MLLT10: variants seen among roughly 807,000 people sequenced by gnomAD.
MLLT10 encodes protein AF-10.
A neutral mutation model predicts 129.1 loss-of-function variants in MLLT10; 30 were observed. That is an observed-to-expected ratio of 0.23 (90% CI 0.17 to 0.32). The LOEUF (loss-of-function observed/expected upper bound fraction) is 0.32. Among genes scored for constraint, MLLT10 ranks in the 10% least tolerant of loss-of-function variants. The probability of loss-of-function intolerance (pLI) is 1.00; values close to 1 mark genes in which losing one functional copy is unlikely to be tolerated. For synonymous variants in MLLT10, 490 were observed against 446.4 expected (o/e 1.10, Z -1.23); for missense variants, 1,119 against 1,268.3 (o/e 0.88, Z 1.79).
At chr10:21,606,803 A>T (rs2044111756) in intron 5 of MLLT10, among the ~76,000 whole-genome samples, 1 of 152,224 alleles carries the variant, frequency 6.6e-6, no homozygotes. Context: ...ACAACAAAGG[A>T]TGTAGAATAT....
intron 11 of MLLT10, among the ~76,000 whole-genome samples, chr10:21,678,608 G>A (rs1035507986): frequency 1.3e-5 from 2 of 152,178 alleles, no homozygotes; most frequent in African/African-American, 4.8e-5. Context: ...CTGTGAAGGT[G>A]ATGTTTATAG....
intron 20 of MLLT10, 42 bp downstream of exon 20, chr10:21,734,171 A>G (rs748663420): frequency 1.9e-6 from 3 of 1,545,826 alleles, no homozygotes; most frequent in Non-Finnish European, 2.6e-6. Flanking sequence ...AGTATAACAG[A>G]GTACCGGTGT....
At position 21,573,095 on chromosome 10, in the gene MLLT10, ATTAC is replaced by A. The variant is rs369483515; in HGVS notation, c.241-13195_241-13192del. ...TTAATTCTACTAGTTTTTTAGGTAG[ATTAC>A]TTAGATTTTTCTAATAGATGATTGT... On this transcript the variant is annotated intron_variant, in intron 3 of 22. Transcript: ENST00000307729. Among the ~76,000 whole-genome samples, 351 of 152,204 alleles carry A rather than the reference ATTAC, an allele frequency of 2.3e-3. 1 individual carries two copies. The highest frequency in any genetic ancestry group is 7.8e-3 in the African/African-American group (326 of 41,546).
chr10:21,628,746 T>C (rs2046717856), intron 8 of MLLT10, among the ~76,000 whole-genome samples: 1 of 143,096 alleles, frequency 7.0e-6, no homozygotes, highest in Admixed American at 6.9e-5. Flanking sequence ...CTGCCTTTTT[T>C]TTTTTTTTTT....
intron 21 of MLLT10, among the ~76,000 whole-genome samples, chr10:21,737,383 G>A (rs537724670): frequency 6.6e-6 from 1 of 152,300 alleles, no homozygotes; most frequent in South Asian, 2.1e-4. Flanking sequence ...GGCACACGGG[G>A]CAGTTTCGAC....
At chr10:21,614,729 T>C (rs2045056546) in intron 6 of MLLT10, 102 bp from the exon 7 acceptor site, 1 of 832,892 alleles carries the variant, frequency 1.2e-6, no homozygotes, top group South Asian at 2.5e-5. Context: ...GGAGATGTTA[T>C]TTTCTCAGAG....
Position 21,665,310 on chromosome 10 carries a change from G to C in MLLT10, c.796-5139G>C, listed in dbSNP as rs990230339. 2.2e-5 allele frequency among the ~76,000 whole-genome samples: 3 copies of C among 133,382 alleles called. 1 individual carries two copies. Among genetic ancestry groups the C allele is most frequent in the Non-Finnish European group, 3.2e-5 (2 of 62,266 alleles). The allele number at this position is 133,382 out of a possible 152,430, so 87.5% of individuals were successfully genotyped here. ...GTTTGTTTGTTTTTTTTGGGGGGGG[G>C]GGGGTTTCACTCTTGTTGCCCAGGC... is the stretch of plus-strand genomic sequence containing the variant. On this transcript the variant is annotated intron_variant, in intron 9 of 22. Coordinates refer to ENST00000307729, the MANE Select transcript of MLLT10 (RefSeq NM_001195626.3).
At chr10:21,736,848 C>A (rs1439611368) in intron 21 of MLLT10, among the ~76,000 whole-genome samples, 1 of 152,114 alleles carries the variant, frequency 6.6e-6, no homozygotes, top group Non-Finnish European at 1.5e-5. Flanking sequence ...TAGTGCTGCA[C>A]AGGTGATGAG....
intron 3 of MLLT10, among the ~76,000 whole-genome samples, chr10:21,567,989 T>C (rs571468410): frequency 6.6e-6 from 1 of 151,994 alleles, no homozygotes; most frequent in Non-Finnish European, 1.5e-5. Context: ...CCGGGTAATT[T>C]TTATTTTTAG....
intron 8 of MLLT10, among the ~76,000 whole-genome samples, chr10:21,650,301 T>A (rs1163534934): frequency 6.6e-6 from 1 of 152,220 alleles, no homozygotes; most frequent in East Asian, 1.9e-4. Context: ...TAGTGAGCTG[T>A]GATCGTACCA....
chr10:21,614,749 T>C, intron 6 of MLLT10, 82 bp from the exon 7 acceptor site: 1 of 1,047,316 alleles, frequency 9.5e-7, no homozygotes, highest in Non-Finnish European at 1.4e-6. Context: ...GCATGAATGA[T>C]TGGAAGTAAA....
At position 21,742,725 on chromosome 10, in the gene MLLT10, C is replaced by T. The variant is rs538509781; in HGVS notation, c.*742C>T. On this transcript the variant is annotated 3_prime_UTR_variant, in exon 23 of 23. Transcript: ENST00000307729. ...AACCAGATCAATTCAAAGCTAAATA[C>T]TTCTTTCAGAAAGGGGCCACTGTGG... The T allele has an allele frequency of 2.7e-4, 61 of 226,546 alleles. 1 individual carries two copies. The highest frequency in any genetic ancestry group is 1.2e-3 in the African/African-American group (55 of 45,138). The allele number at this position is 226,546 out of a possible 1,614,324, so 14.0% of individuals were successfully genotyped here.
chr10:21,691,482 C>G (rs576327064), intron 13 of MLLT10, among the ~76,000 whole-genome samples: 2 of 152,230 alleles, frequency 1.3e-5, no homozygotes, highest in Non-Finnish European at 2.9e-5. Flanking sequence ...TTTTTTCCAT[C>G]ATGCATGCAT....
rs2058172146 is a variant in MLLT10 at position 21,734,191 on chromosome 10, C to T, written c.2858+62C>T. Reference sequence around the variant, plus strand: ...AACAGAGTACCGGTGTTGTCTATGCCTTAGATTGGGGCTTTCAATGTGTTC... The same window carrying T: ...AACAGAGTACCGGTGTTGTCTATGCTTTAGATTGGGGCTTTCAATGTGTTC... On this transcript the variant is annotated intron_variant, in intron 20 of 22. Transcript: ENST00000307729. The T allele has an allele frequency of 3.3e-6, 5 of 1,512,728 alleles. No homozygotes were observed. In the East Asian group the frequency reaches 1.1e-4, roughly 34 times the overall value. 93.7% of individuals were successfully genotyped at this position (1,512,728 alleles called of 1,614,324 possible).
chr10:21,536,320 A>G (rs2130880915), intron 2 of MLLT10, among the ~76,000 whole-genome samples: 1 of 152,310 alleles, frequency 6.6e-6, no homozygotes, highest in East Asian at 1.9e-4. Flanking sequence ...CCAGATACTG[A>G]TTTTAAGGTC....
rs1443036929 is a variant in MLLT10 at position 21,601,845 on chromosome 10, G to A, written c.405+6405G>A. ...AGCCACTATGCCTGGCCCTATCTCA[G>A]TTTTTTGTTTTTGTTTTTGTTTTTA... On this transcript the variant is annotated intron_variant, in intron 5 of 22. Coordinates refer to ENST00000307729, the MANE Select transcript of MLLT10 (RefSeq NM_001195626.3). Among the ~76,000 whole-genome samples the A allele has an allele frequency of 2.6e-5, 4 of 152,152 alleles. No individual in the cohort carries two copies. In the East Asian group the frequency reaches 7.7e-4, roughly 29 times the overall value.
chr10:21,708,434 A>T (rs924131932), intron 13 of MLLT10, among the ~76,000 whole-genome samples: 4 of 152,352 alleles, frequency 2.6e-5, no homozygotes, highest in African/African-American at 9.6e-5. Context: ...TTTAAGGTGG[A>T]TGTTGTACCA....
intron 11 of MLLT10, among the ~76,000 whole-genome samples, chr10:21,675,203 G>A (rs2051959204): frequency 6.6e-6 from 1 of 152,320 alleles, no homozygotes; most frequent in East Asian, 1.9e-4. Flanking sequence ...GAGTTTCTTT[G>A]TATTCAGAAA....
chr10:21,564,006 G>T (rs929961138), intron 3 of MLLT10, among the ~76,000 whole-genome samples: 6 of 152,150 alleles, frequency 3.9e-5, no homozygotes, highest in Admixed American at 6.5e-5. Context: ...TAGAGACGGG[G>T]TTTCACCGTC....
Sources: allele counts gnomAD v4.1 joint callset (sites outside exome capture counted in the v4.1 genomes callset), GRCh38; gene constraint gnomAD v4.1.1; transcripts MANE v1.5; gene names NCBI Gene and HGNC (gene_info 2026-07-23, HGNC 2026-07-21).